Variants in PARD3B observed in about 807,000 individuals in gnomAD.
The protein encoded by PARD3B is par-3 family cell polarity regulator beta.
In PARD3B, 103 loss-of-function variants were observed where a neutral mutation model predicts 130.2. The ratio of observed to expected loss-of-function variants is 0.79; its 90% CI spans 0.67 to 0.93. PARD3B has a LOEUF of 0.93. Among genes scored for constraint, PARD3B ranks in the 40% least tolerant of loss-of-function variants. The pLI is 0.00. For missense variants in PARD3B, 1,609 were observed against 1,499.2 expected, an observed-to-expected ratio of 1.07 and a Z score of -1.21; for synonymous variants, 583 against 553.2, an observed-to-expected ratio of 1.05 and a Z score of -0.76.
intron 21 of PARD3B, among the ~76,000 whole-genome samples, chr2:205,512,909 T>C (rs2050642585): frequency 6.6e-6 from 1 of 151,978 alleles, no homozygotes; most frequent in Non-Finnish European, 1.5e-5. Context: ...CCATGATCAC[T>C]AATTGGCAGA....
At chr2:205,391,287 GC>G (rs2045851246) in intron 18 of PARD3B, among the ~76,000 whole-genome samples, 1 of 152,240 alleles carries the variant, frequency 6.6e-6, no homozygotes, top group Admixed American at 6.5e-5. Context: ...GCAGTATCTG[GC>G]TATTGACTGA....
chr2:205,531,654 G>A (rs989674434), intron 21 of PARD3B, among the ~76,000 whole-genome samples: 4 of 151,964 alleles, frequency 2.6e-5, no homozygotes, highest in African/African-American at 4.8e-5. Context: ...ACAGGGCACC[G>A]AGACACAGGA....
At chr2:204,973,505 A>G (rs935594588) in intron 3 of PARD3B, among the ~76,000 whole-genome samples, 2 of 71,984 alleles carry the variant, frequency 2.8e-5, no homozygotes, top group African/African-American at 1.8e-4. Flanking sequence ...AGCCTTTAAG[A>G]TTTTTTTTTT....
rs927852833 is a variant in PARD3B at position 204,677,388 on chromosome 2, A to C, written c.121-8793A>C. 6.6e-6 allele frequency among the ~76,000 whole-genome samples: 1 copy of C among 152,208 alleles called. No homozygotes were observed. Among genetic ancestry groups the C allele is most frequent in the African/African-American group, 2.4e-5 (1 of 41,458 alleles). ...TAATAAGTAATTTTTACCTTACCTGATAACTTTAAGAGCTCAGTGCCCTGT... is the reference window on the plus strand; with the variant it reads ...TAATAAGTAATTTTTACCTTACCTGCTAACTTTAAGAGCTCAGTGCCCTGT... On this transcript the variant is annotated intron_variant, in intron 1 of 22. Coordinates refer to ENST00000406610, the MANE Select transcript of PARD3B (RefSeq NM_001302769.2). The surrounding 1 kb of genome is among the most constrained non-coding windows in gnomAD (Gnocchi z 4.1).
intron 21 of PARD3B, among the ~76,000 whole-genome samples, chr2:205,507,117 A>C (rs926587541): frequency 1.4e-5 from 2 of 148,058 alleles, no homozygotes; most frequent in Non-Finnish European, 3.0e-5. Context: ...GTTCAGCACA[A>C]TTCTCAGTAG....
chr2:204,580,672 CCTT>C (rs2125080444), intron 1 of PARD3B, among the ~76,000 whole-genome samples: 2 of 152,264 alleles, frequency 1.3e-5, no homozygotes, highest in South Asian at 4.1e-4. Context: ...GGAGTCCCCG[CCTT>C]CTTAAAAATG....
chr2:204,880,657 C>CAAA (rs746023895), intron 2 of PARD3B, among the ~76,000 whole-genome samples: 82 of 55,374 alleles, frequency 1.5e-3, no homozygotes, highest in Admixed American at 1.9e-3. Flanking sequence ...GACTCCATCT[C>CAAA]AAAAAAAAAA....
intron 20 of PARD3B, among the ~76,000 whole-genome samples, chr2:205,472,928 A>T (rs1017416686): frequency 2.0e-5 from 3 of 152,170 alleles, no homozygotes; most frequent in African/African-American, 7.2e-5. Context: ...TACAGAAGGA[A>T]TGGCAATGGA....
At chr2:205,380,257 A>G (rs186829365) in intron 18 of PARD3B, among the ~76,000 whole-genome samples, 302 of 22,446 alleles carry the variant, frequency 0.013, 24 homozygotes, top group African/African-American at 0.03. Flanking sequence ...TATATAATAT[A>G]TAAAGAATAT....
At chr2:204,595,955 C>T (rs2033270947) in intron 1 of PARD3B, among the ~76,000 whole-genome samples, 1 of 152,194 alleles carries the variant, frequency 6.6e-6, no homozygotes, top group African/African-American at 2.4e-5. Context: ...TGATTATTTG[C>T]AGGTGCTATG....
intron 21 of PARD3B, among the ~76,000 whole-genome samples, chr2:205,501,509 A>T (rs1379221003): frequency 6.6e-6 from 1 of 152,158 alleles, no homozygotes; most frequent in East Asian, 1.9e-4. Context: ...CTCTGACAAG[A>T]GATGTGAGCT....
At chr2:205,441,441 G>A (rs917696074) in intron 20 of PARD3B, among the ~76,000 whole-genome samples, 2 of 152,156 alleles carry the variant, frequency 1.3e-5, no homozygotes, top group African/African-American at 4.8e-5. Flanking sequence ...GTGACCCTTG[G>A]AATTACACAT....
intron 16 of PARD3B, among the ~76,000 whole-genome samples, chr2:205,250,622 T>G (rs2039802380): frequency 6.6e-6 from 1 of 152,108 alleles, no homozygotes; most frequent in Non-Finnish European, 1.5e-5. Context: ...AAACTGAAGC[T>G]CAGGTAATTT....
At position 205,125,222 on chromosome 2, in the gene PARD3B, C is replaced by A. The variant is rs996255921; in HGVS notation, c.1306-387C>A. On this transcript the variant is annotated intron_variant, in intron 9 of 22. Transcript: ENST00000406610. The surrounding 1 kb of genome is among the most constrained non-coding windows in gnomAD (Gnocchi z 4.0). ...ACCTGCAGGATTCTATTGCTAGGTT[C>A]GTATTTGCAGAGAAATTTGCCTTGT... Among the ~76,000 whole-genome samples, 7 of 152,166 alleles carry A rather than the reference C, an allele frequency of 4.6e-5. No individual in the cohort carries two copies. In the East Asian group the frequency reaches 1.3e-3, roughly 29 times the overall value.
chr2:204,977,396 CTG>C (rs1559319106), intron 3 of PARD3B, among the ~76,000 whole-genome samples: 1 of 152,128 alleles, frequency 6.6e-6, no homozygotes, highest in African/African-American at 2.4e-5. Flanking sequence ...ACCCAGAACA[CTG>C]TATTAGCCAG....
At chr2:205,581,771 G>C (rs890831333) in intron 22 of PARD3B, among the ~76,000 whole-genome samples, 4 of 151,852 alleles carry the variant, frequency 2.6e-5, no homozygotes, top group Non-Finnish European at 5.9e-5. Context: ...TTTTTAAAAA[G>C]ATACCTAAAT....
chr2:204,777,855 G>C (rs942911903), intron 2 of PARD3B, among the ~76,000 whole-genome samples: 2 of 152,046 alleles, frequency 1.3e-5, no homozygotes, highest in Non-Finnish European at 2.9e-5. Flanking sequence ...CCCACATGTC[G>C]AGAGAGGGAG....
Position 204,829,029 on chromosome 2 carries a change from G to A in PARD3B, c.223-136123G>A, listed in dbSNP as rs945380872. 2.7e-4 allele frequency among the ~76,000 whole-genome samples: 41 copies of A among 152,162 alleles called. 1 individual carries two copies. The highest frequency in any genetic ancestry group is 5.4e-4 in the Non-Finnish European group (37 of 68,028). ...CTGTTCCCTCCAAGTCTTATGGATA[G>A]TGCTGTAAACTGTGTTATATCATGT... On this transcript the variant is annotated intron_variant, in intron 2 of 22. Coordinates refer to ENST00000406610, the MANE Select transcript of PARD3B (RefSeq NM_001302769.2).
At chr2:204,772,095 T>C (rs1254565017) in intron 2 of PARD3B, among the ~76,000 whole-genome samples, 1 of 152,098 alleles carries the variant, frequency 6.6e-6, no homozygotes, top group African/African-American at 2.4e-5. Flanking sequence ...ATTTTGAATA[T>C]GGAGATTAGG....
Sources: allele counts gnomAD v4.1 joint callset (sites outside exome capture counted in the v4.1 genomes callset), GRCh38; gene constraint gnomAD v4.1.1; non-coding constraint Gnocchi (gnomAD v3.1); transcripts MANE v1.5; gene names NCBI Gene and HGNC (gene_info 2026-07-23, HGNC 2026-07-21).